The following RAB40C variants were observed in gnomAD, a reference collection of about 807,000 sequenced individuals.
The protein encoded by RAB40C is RAB40C, member RAS oncogene family, also known as ras-related protein Rab-40C.
A neutral mutation model predicts 28.1 loss-of-function variants in RAB40C; 8 were observed. The observed-to-expected ratio is 0.28, with a 90% CI of 0.17 to 0.51. The LOEUF is 0.51. Ranked by LOEUF, RAB40C falls within the 20% of genes least tolerant of loss-of-function variation. RAB40C has a pLI of 0.97. For missense variants in RAB40C, 288 were observed against 405.9 expected, an observed-to-expected ratio of 0.71 and a Z score of 2.50; for synonymous variants, 201 against 171.7, an observed-to-expected ratio of 1.17 and a Z score of -1.34.
intron 3 of RAB40C, among the ~76,000 whole-genome samples, chr16:621,646 C>T (rs1019547431): frequency 2.0e-5 from 3 of 152,236 alleles, no homozygotes; most frequent in Admixed American, 6.5e-5. Context: ...GCGGGTGCCA[C>T]AACCCGCTGG....
chr16:601,842 AAAAG>A (rs2036258197), intron 1 of RAB40C, among the ~76,000 whole-genome samples: 5 of 149,388 alleles, frequency 3.3e-5, no homozygotes, highest in South Asian at 2.1e-4. Context: ...AAAAAAAAAA[AAAAG>A]GCCGGATGCG....
Position 626,041 on chromosome 16 carries a change from A to G in RAB40C, c.485A>G (p.Asn162Ser). The change falls in exon 5 of 6, where the codon AAC becomes AGC. Residue 162 changes from asparagine (N) to serine (S), a missense_variant. Physicochemically the swap from Asn to Ser is conservative, Grantham distance 46. Coordinates refer to ENST00000248139, the MANE Select transcript of RAB40C (RefSeq NM_021168.5). ...FFEVSPLCNFNVIESFTELSR... is the reference protein window; with the variant it reads ...FFEVSPLCNFSVIESFTELSR... ...GAGGTCAGCCCCCTGTGCAACTTCA[A>G]CGTCATCGAGTCCTTCACGGAGCTA... 1.9e-6 allele frequency: 3 copies of G among 1,613,436 alleles called. No individual in the cohort carries two copies. Among genetic ancestry groups the G allele is most frequent in the Non-Finnish European group, 2.5e-6 (3 of 1,179,988 alleles).
intron 4 of RAB40C, 95 bp downstream of exon 4, chr16:625,604 C>T: frequency 7.7e-7 from 1 of 1,294,322 alleles, no homozygotes; most frequent in Non-Finnish European, 1.1e-6. Context: ...TGCCGCCCCT[C>T]CTGTGGCCCC....
chr16:596,363 G>A (rs1215094550), intron 1 of RAB40C: 12 of 455,856 alleles, frequency 2.6e-5, no homozygotes, highest in Admixed American at 7.1e-5. Context: ...AAAAGCTGCC[G>A]CCTACCCTGG....
chr16:606,867 A>G (rs2036370820), intron 1 of RAB40C, among the ~76,000 whole-genome samples: 1 of 152,130 alleles, frequency 6.6e-6, no homozygotes, highest in Admixed American at 6.6e-5. Flanking sequence ...ATCCCGGATA[A>G]TCTCCCACCT....
At chr16:593,350 G>A (rs1053818192) in intron 1 of RAB40C, among the ~76,000 whole-genome samples, 10 of 152,236 alleles carry the variant, frequency 6.6e-5, no homozygotes, top group African/African-American at 1.9e-4. Flanking sequence ...GTTGTAGCAG[G>A]AGCTTTAGGC....
chr16:595,649 C>T (rs938690293), intron 1 of RAB40C, among the ~76,000 whole-genome samples: 1 of 149,466 alleles, frequency 6.7e-6, no homozygotes, highest in African/African-American at 2.5e-5. Flanking sequence ...GTTGCCCAGG[C>T]CGGAGTGCAG....
In RAB40C at chr16:601,816, A is replaced by T. The variant is rs1020893181; in HGVS notation, c.142+11383A>T. Among the ~76,000 whole-genome samples the T allele has an allele frequency of 6.0e-4, 32 of 53,320 alleles. No homozygotes were observed. In the East Asian group the frequency reaches 0.027, roughly 45 times the overall value. 35.0% of individuals were successfully genotyped at this position (53,320 alleles called of 152,430 possible). On this transcript the variant is annotated intron_variant, in intron 1 of 5. Coordinates refer to ENST00000248139, the MANE Select transcript of RAB40C (RefSeq NM_021168.5). ...AGGCCCTATCCCTGCAAAAAAAAGT[A>T]AAAAAAAAAAAAAAAAAAAAAAAAA...
intron 1 of RAB40C, among the ~76,000 whole-genome samples, chr16:615,050 C>T (rs554400844): frequency 9.8e-5 from 15 of 152,304 alleles, no homozygotes; most frequent in South Asian, 6.2e-4. Flanking sequence ...AACGAGGACC[C>T]GAGGGAGACC....
intron 3 of RAB40C, among the ~76,000 whole-genome samples, chr16:618,736 G>A (rs1339737633): frequency 1.3e-5 from 2 of 149,640 alleles, no homozygotes; most frequent in Non-Finnish European, 3.0e-5. Flanking sequence ...GCAGGCATGT[G>A]CACAGGTCTG....
At chr16:622,404 A>T (rs2036738134) in intron 3 of RAB40C, among the ~76,000 whole-genome samples, 1 of 151,470 alleles carries the variant, frequency 6.6e-6, no homozygotes, top group African/African-American at 2.5e-5. Flanking sequence ...GGCACCGTGG[A>T]CACGTCTGTA....
At chr16:617,063 C>T in intron 1 of RAB40C, 145 bp from the exon 2 acceptor site, 1 of 832,452 alleles carries the variant, frequency 1.2e-6, no homozygotes, top group South Asian at 1.5e-5. Flanking sequence ...CGAGATTTCC[C>T]CCTGCCCCAC....
At chr16:616,874 G>A (rs960175855) in intron 1 of RAB40C, 28 of 352,680 alleles carry the variant, frequency 7.9e-5, no homozygotes, top group African/African-American at 2.7e-4. Context: ...TGCACCCAGC[G>A]CGGGCCACAG....
chr16:615,895 G>C (rs1596410959), intron 1 of RAB40C, among the ~76,000 whole-genome samples: 1 of 152,240 alleles, frequency 6.6e-6, no homozygotes, highest in East Asian at 1.9e-4. Context: ...CCGGGAGGTG[G>C]AGGTTGTAGT....
intron 1 of RAB40C, among the ~76,000 whole-genome samples, chr16:605,272 A>G (rs1210194702): frequency 1.3e-5 from 2 of 152,202 alleles, no homozygotes; most frequent in East Asian, 1.9e-4. Flanking sequence ...TCATAGTCCC[A>G]TCAGCAATGC....
intron 4 of RAB40C, 23 bp downstream of exon 4, chr16:625,532 C>G (rs758555396): frequency 8.1e-6 from 13 of 1,610,642 alleles, no homozygotes; most frequent in Non-Finnish European, 1.0e-5. Flanking sequence ...CCGGGGAGCC[C>G]TCCCGGGGAA....
At chr16:616,788 C>T (rs554633053) in intron 1 of RAB40C, 14 of 182,426 alleles carry the variant, frequency 7.7e-5, no homozygotes, top group Non-Finnish European at 1.5e-4. Flanking sequence ...AATAAAGGCA[C>T]TGCCCTTTCT....
intron 1 of RAB40C, among the ~76,000 whole-genome samples, chr16:592,148 G>C (rs754851859): frequency 6.6e-6 from 1 of 152,322 alleles, no homozygotes; most frequent in East Asian, 1.9e-4. Context: ...CTACGCTGGC[G>C]AACTTACCTC....
intron 1 of RAB40C, among the ~76,000 whole-genome samples, chr16:598,047 C>T (rs778264724): frequency 4.6e-5 from 7 of 150,942 alleles, no homozygotes; most frequent in Middle Eastern, 3.5e-3. Flanking sequence ...GAGATTGAGA[C>T]CATCCTGGCC....
Sources: gnomAD v4.1 joint callset for allele counts (sites outside exome capture counted in the v4.1 genomes callset) on GRCh38, gnomAD v4.1.1 for gene constraint, MANE v1.5 for transcripts, NCBI Gene and HGNC (gene_info 2026-07-23, HGNC 2026-07-21) for gene names.